The following GTF2E2 variants were observed in gnomAD, a reference collection of about 807,000 sequenced individuals.
GTF2E2 encodes transcription initiation factor IIE subunit beta.
Under a neutral mutation model 40.5 loss-of-function variants are expected in GTF2E2, and 21 were observed. The ratio of observed to expected loss-of-function variants is 0.52; its 90% confidence interval spans 0.37 to 0.75. GTF2E2 has a LOEUF of 0.75. Among genes scored for constraint, GTF2E2 ranks in the 30% least tolerant of loss-of-function variants. The probability of loss-of-function intolerance (pLI) is 0.00; values close to 1 mark genes in which losing one functional copy is unlikely to be tolerated. For missense variants in GTF2E2, 298 were observed against 338.4 expected (o/e 0.88, Z 0.94); for synonymous variants, 117 against 121.6 (o/e 0.96, Z 0.25).
At chr8:30,652,757 G>A (rs992206959) in intron 2 of GTF2E2, among the ~76,000 whole-genome samples, 1 of 152,136 alleles carries the variant, frequency 6.6e-6, no homozygotes, top group African/African-American at 2.4e-5. Flanking sequence ...ACTTGTACAT[G>A]AATATTCATA....
intron 6 of GTF2E2, chr8:30,597,287 GGAA>G (rs371675753): frequency 2.0e-5 from 3 of 152,320 alleles, no homozygotes; most frequent in African/African-American, 7.2e-5. Context: ...AGCAAAGAAG[GGAA>G]GAAGGACTCA....
intron 6 of GTF2E2, among the ~76,000 whole-genome samples, chr8:30,592,359 A>T (rs1828873248): frequency 6.6e-6 from 1 of 152,220 alleles, no homozygotes; most frequent in African/African-American, 2.4e-5. Flanking sequence ...CAGCCTATAC[A>T]GTGAGACTCT....
intron 6 of GTF2E2, among the ~76,000 whole-genome samples, chr8:30,599,247 T>C (rs1467797825): frequency 6.6e-6 from 1 of 150,824 alleles, no homozygotes; most frequent in African/African-American, 2.5e-5. Context: ...GCACTATCTG[T>C]AACAGCATAG....
intron 2 of GTF2E2, among the ~76,000 whole-genome samples, chr8:30,639,371 T>C (rs1329482393): frequency 6.6e-6 from 1 of 152,190 alleles, no homozygotes; most frequent in Non-Finnish European, 1.5e-5. Context: ...AAAAACCTTC[T>C]TAAATAGCCT....
At chr8:30,611,004 C>T (rs1386602483) in intron 5 of GTF2E2, among the ~76,000 whole-genome samples, 1 of 152,112 alleles carries the variant, frequency 6.6e-6, no homozygotes, top group African/African-American at 2.4e-5. Flanking sequence ...TATTATTCAG[C>T]TTTAAAAAGG....
intron 3 of GTF2E2, among the ~76,000 whole-genome samples, chr8:30,633,194 TAC>T (rs1194027396): frequency 3.9e-5 from 6 of 152,190 alleles, no homozygotes; most frequent in Non-Finnish European, 8.8e-5. Context: ...TCAATTTATT[TAC>T]ATATTATTGT....
chr8:30,635,227 T>C (rs1801557935), intron 2 of GTF2E2, 104 bp from the exon 3 acceptor site: 5 of 641,440 alleles, frequency 7.8e-6, no homozygotes, highest in Non-Finnish European at 1.4e-5. Flanking sequence ...GAGTTTTTCA[T>C]CTAGTATATT....
intron 6 of GTF2E2, among the ~76,000 whole-genome samples, chr8:30,603,236 C>T (rs1829231190): frequency 6.6e-6 from 1 of 151,974 alleles, no homozygotes; most frequent in African/African-American, 2.4e-5. Flanking sequence ...AAATTGTCAA[C>T]AAGGGAATAA....
intron 5 of GTF2E2, among the ~76,000 whole-genome samples, chr8:30,609,916 GC>G (rs1430428454): frequency 6.6e-6 from 1 of 152,106 alleles, no homozygotes; most frequent in East Asian, 1.9e-4. Flanking sequence ...TTCACCTTCT[GC>G]CATGATTATA....
At chr8:30,654,201 GAAAT>G (rs1802382812) in intron 1 of GTF2E2, among the ~76,000 whole-genome samples, 2 of 151,920 alleles carry the variant, frequency 1.3e-5, no homozygotes, top group Admixed American at 6.6e-5. Context: ...TTAAACATGT[GAAAT>G]GTGGCTAGTT....
intron 3 of GTF2E2, among the ~76,000 whole-genome samples, chr8:30,615,892 T>G (rs982357496): frequency 1.3e-5 from 2 of 152,190 alleles, no homozygotes; most frequent in African/African-American, 2.4e-5. Context: ...TACAGCTTTA[T>G]CCATAATTGC....
chr8:30,613,223 A>G (rs1241787699), intron 4 of GTF2E2, among the ~76,000 whole-genome samples: 1 of 152,256 alleles, frequency 6.6e-6, no homozygotes, highest in Non-Finnish European at 1.5e-5. Flanking sequence ...AGTAAGGAAC[A>G]TAACCCTTAC....
At chr8:30,599,066 C>T (rs1829095097) in intron 6 of GTF2E2, among the ~76,000 whole-genome samples, 1 of 152,170 alleles carries the variant, frequency 6.6e-6, no homozygotes, top group Non-Finnish European at 1.5e-5. Context: ...CAACTAAAAA[C>T]ACCCAATCAG....
intron 3 of GTF2E2, among the ~76,000 whole-genome samples, chr8:30,617,708 A>G (rs895164142): frequency 6.6e-5 from 10 of 151,676 alleles, no homozygotes; most frequent in African/African-American, 2.2e-4. Context: ...TGGTCATGCC[A>G]CTGCACTCCA....
intron 2 of GTF2E2, chr8:30,637,274 A>C (rs772219759): frequency 4.4e-6 from 2 of 456,144 alleles, no homozygotes; most frequent in Non-Finnish European, 4.4e-6. Flanking sequence ...AACTGGGAAG[A>C]CTATGAAAAA....
chr8:30,619,638 C>T (rs1409006079), intron 3 of GTF2E2, among the ~76,000 whole-genome samples: 1 of 151,984 alleles, frequency 6.6e-6, no homozygotes, highest in Non-Finnish European at 1.5e-5. Flanking sequence ...CTGGCCACCT[C>T]AGCCTCCTAT....
intron 3 of GTF2E2, among the ~76,000 whole-genome samples, chr8:30,632,927 C>A (rs943355871): frequency 6.6e-6 from 1 of 152,114 alleles, no homozygotes; most frequent in Non-Finnish European, 1.5e-5. Flanking sequence ...TATGTCTAAG[C>A]ACTTAAATTC....
intron 6 of GTF2E2, among the ~76,000 whole-genome samples, chr8:30,598,304 A>G (rs1201533212): frequency 1.3e-5 from 2 of 152,182 alleles, no homozygotes; most frequent in Non-Finnish European, 2.9e-5. Context: ...CATACTGCGG[A>G]CCTCTTATGA....
chr8:30,609,990 C>A (rs1369175297), intron 5 of GTF2E2, among the ~76,000 whole-genome samples: 2 of 152,174 alleles, frequency 1.3e-5, no homozygotes, highest in Non-Finnish European at 2.9e-5. Context: ...GGAGAGCCTG[C>A]AGAACTGTGA....
Sources: gnomAD v4.1 joint callset for allele counts (sites outside exome capture counted in the v4.1 genomes callset) on GRCh38, gnomAD v4.1.1 for gene constraint, MANE v1.5 for transcripts, NCBI Gene and HGNC (gene_info 2026-07-23, HGNC 2026-07-21) for gene names.